Variants in SFMBT2 observed in about 807,000 individuals in gnomAD.
The protein encoded by SFMBT2 is Scm like with four mbt domains 2, also known as scm-like with four MBT domains protein 2.
Under a neutral mutation model 110.1 loss-of-function variants are expected in SFMBT2, and 38 were observed. The ratio of observed to expected loss-of-function variants is 0.35; its 90% confidence interval spans 0.27 to 0.45. The LOEUF (loss-of-function observed/expected upper bound fraction) is 0.45, where lower values mean the gene tolerates loss of function less well. Ranked by LOEUF, SFMBT2 falls within the 20% of genes least tolerant of loss-of-function variation. The pLI, the probability that SFMBT2 is intolerant of heterozygous loss-of-function variation, is 1.00. For synonymous variants in SFMBT2, 425 were observed against 425.4 expected (o/e 1.00, Z 0.01); for missense variants, 1,011 against 1,094.9 (o/e 0.92, Z 1.08).
At chr10:7,179,056 A>T (rs966427025) in intron 16 of SFMBT2, among the ~76,000 whole-genome samples, 3 of 152,202 alleles carry the variant, frequency 2.0e-5, no homozygotes, top group Admixed American at 6.5e-5. Flanking sequence ...ACGGCAAAAA[A>T]AATTAAGGAT....
intron 1 of SFMBT2, among the ~76,000 whole-genome samples, chr10:7,396,451 T>G (rs1240645015): frequency 6.6e-6 from 1 of 152,188 alleles, no homozygotes; most frequent in African/African-American, 2.4e-5. Flanking sequence ...TGTCACTGAT[T>G]TAGAATCCGG....
In SFMBT2 at chr10:7,202,507, T is replaced by C; in HGVS notation, c.1460A>G (p.Lys487Arg). ...TTTCTCTGGTTGCACGACTGCAATC[T>C]TTCTCTTCTTTTGTGCTGTAGAAAA... ...PHKTVSQKKRKIAVVQPEKQL... is the reference protein window; with the variant it reads ...PHKTVSQKKRRIAVVQPEKQL... Residue 487 changes from lysine to arginine, a missense_variant, in exon 13 of 21, where the codon AAG becomes AGG. This residue lies in a region of SFMBT2 where 979 missense variants were observed against 1,016.1 expected (regional missense o/e 0.96). Coordinates refer to ENST00000397167, the MANE Select transcript of SFMBT2 (RefSeq NM_001387889.1). 1 of 1,614,222 alleles carries C rather than the reference T, an allele frequency of 6.2e-7. No homozygotes were observed. Among genetic ancestry groups the C allele is most frequent in the Non-Finnish European group, 8.5e-7 (1 of 1,180,040 alleles).
chr10:7,241,438 G>T (rs184933371), intron 9 of SFMBT2: 1 of 698,024 alleles, frequency 1.4e-6, no homozygotes, highest in African/African-American at 1.9e-5. Flanking sequence ...TATCCATGAA[G>T]AAATATTCTT....
intron 4 of SFMBT2, among the ~76,000 whole-genome samples, chr10:7,313,683 T>G (rs1293710063): frequency 2.0e-5 from 3 of 152,134 alleles, no homozygotes; most frequent in Non-Finnish European, 4.4e-5. Flanking sequence ...GGGGTCTCAC[T>G]TTGTTGCCCG....
Position 7,158,917 on chromosome 10 carries a change from A to G in SFMBT2, c.*4853T>C, listed in dbSNP as rs935937097. 1 of 152,230 alleles carries G rather than the reference A, an allele frequency of 6.6e-6. No homozygotes were observed. The highest frequency in any genetic ancestry group is 2.4e-5 in the African/African-American group (1 of 41,448). 9.4% of individuals were successfully genotyped at this position (152,230 alleles called of 1,614,324 possible). The stretch of plus-strand genomic sequence containing the variant: ...AAACTAGAATGCAAAACAGTGAAAG[A>G]GCTTTCAACAATCACGACGAGGGAT... On this transcript the variant is annotated 3_prime_UTR_variant, in exon 21 of 21. Transcript: ENST00000397167.
At chr10:7,234,594 C>G (rs557815729) in intron 9 of SFMBT2, among the ~76,000 whole-genome samples, 1 of 152,132 alleles carries the variant, frequency 6.6e-6, no homozygotes, top group South Asian at 2.1e-4. Flanking sequence ...TTTACTATAC[C>G]AACTCTTTTC....
At chr10:7,228,008 A>G (rs1176493910) in intron 9 of SFMBT2, 71 bp from the exon 10 acceptor site, 3 of 1,154,442 alleles carry the variant, frequency 2.6e-6, no homozygotes, top group Non-Finnish European at 3.7e-6. Flanking sequence ...CAAAATCAGA[A>G]GGGGTGAAAG....
At chr10:7,225,898 C>A (rs1839885075) in intron 10 of SFMBT2, among the ~76,000 whole-genome samples, 1 of 151,496 alleles carries the variant, frequency 6.6e-6, no homozygotes, top group Middle Eastern at 3.2e-3. Context: ...TCAATGAAAG[C>A]AGACAAGCCA....
Position 7,367,290 on chromosome 10 carries a change from GCC to G in SFMBT2, c.436+357_436+358del, listed in dbSNP as rs1564461034. ...GACCTCAACTCCTGATGTCCTTTCA[GCC>G]TTCCTTTCTTACCCTCCAATTCCTG... is the stretch of plus-strand genomic sequence containing the variant. On this transcript the variant is annotated intron_variant, in intron 4 of 20. Coordinates refer to ENST00000397167, the MANE Select transcript of SFMBT2 (RefSeq NM_001387889.1). This position sits in a 1 kb window ranked among gnomAD's most constrained non-coding sequence, Gnocchi z 6.2. 4.1e-5 allele frequency among the ~76,000 whole-genome samples: 3 copies of G among 72,818 alleles called. No individual in the cohort carries two copies. In the East Asian group the frequency reaches 1.6e-3, roughly 40 times the overall value. The allele number at this position is 72,818 out of a possible 152,430, so 47.8% of individuals were successfully genotyped here.
chr10:7,379,848 T>C (rs1485254251), intron 2 of SFMBT2, among the ~76,000 whole-genome samples: 1 of 152,206 alleles, frequency 6.6e-6, no homozygotes, highest in African/African-American at 2.4e-5. Flanking sequence ...CTCTCACACT[T>C]GCCATCCATA....
At position 7,227,870 on chromosome 10, in the gene SFMBT2, GGGA is replaced by G; in HGVS notation, c.1185_1187del (p.Pro396del). The G allele has an allele frequency of 6.2e-7, 1 of 1,609,502 alleles. No homozygotes were observed. Among genetic ancestry groups the G allele is most frequent in the Non-Finnish European group, 8.5e-7 (1 of 1,178,634 alleles). ...AGCTTCTTACATTTCGGAAGCAGAAGGGAGGGGCTTCCTGCGCCCCATGCTGCT... is the reference window on the plus strand; with the variant it reads ...AGCTTCTTACATTTCGGAAGCAGAAGGGGGCTTCCTGCGCCCCATGCTGCT... On this transcript the variant is annotated inframe_deletion, in exon 10 of 21. Coordinates refer to ENST00000397167, the MANE Select transcript of SFMBT2 (RefSeq NM_001387889.1).
At chr10:7,379,710 C>T (rs1267058856) in intron 2 of SFMBT2, among the ~76,000 whole-genome samples, 2 of 152,160 alleles carry the variant, frequency 1.3e-5, no homozygotes, top group Non-Finnish European at 2.9e-5. Context: ...AATAGTATTT[C>T]CATTAAAGAT....
chr10:7,199,471 T>C (rs781113675), intron 14 of SFMBT2, among the ~76,000 whole-genome samples: 103 of 152,278 alleles, frequency 6.8e-4, no homozygotes, highest in Non-Finnish European at 1.2e-3. Flanking sequence ...AGACTTCAAC[T>C]AGGAACCAGC....
rs989320049 is a variant in SFMBT2, at chr10:7,293,455, A to G, written c.437-7501T>C. ...TAATGGGATTCGCTGATGGGCTACA[A>G]GAGAAGTAGAACACAGAAATGTCCC... On this transcript the variant is annotated intron_variant, in intron 4 of 20. Coordinates refer to ENST00000397167, the MANE Select transcript of SFMBT2 (RefSeq NM_001387889.1). The surrounding 1 kb of genome is among the most constrained non-coding windows in gnomAD (Gnocchi z 4.6). Among the ~76,000 whole-genome samples the G allele has an allele frequency of 1.3e-5, 2 of 152,064 alleles. No homozygotes were observed. The highest frequency in any genetic ancestry group is 2.9e-5 in the Non-Finnish European group (2 of 68,020).
rs542172722 is a variant in SFMBT2, at chr10:7,314,641, C to T, written c.437-28687G>A. ...AACCAGACCCGGCTGGGCACATTGGCTCACACCTATAATCCCAGCACTTTG... is the reference window on the plus strand; with the variant it reads ...AACCAGACCCGGCTGGGCACATTGGTTCACACCTATAATCCCAGCACTTTG... On this transcript the variant is annotated intron_variant, in intron 4 of 20. Coordinates refer to ENST00000397167, the MANE Select transcript of SFMBT2 (RefSeq NM_001387889.1). Among the ~76,000 whole-genome samples, 6 of 152,290 alleles carry T rather than the reference C, an allele frequency of 3.9e-5. No individual in the cohort carries two copies. In the South Asian group the frequency reaches 6.2e-4, roughly 16 times the overall value.
At chr10:7,250,905 AAC>A (rs1002489865) in intron 7 of SFMBT2, among the ~76,000 whole-genome samples, 3 of 152,218 alleles carry the variant, frequency 2.0e-5, no homozygotes, top group African/African-American at 7.2e-5. Flanking sequence ...AATGTGGATT[AAC>A]ACACACCAGC....
At chr10:7,378,220 GA>G (rs1845313045) in intron 2 of SFMBT2, among the ~76,000 whole-genome samples, 8 of 38,670 alleles carry the variant, frequency 2.1e-4, no homozygotes, top group African/African-American at 7.1e-4. Flanking sequence ...ATGTGTGATG[GA>G]TGGGTGTGAG....
chr10:7,337,837 AT>A (rs1843764737), intron 4 of SFMBT2, among the ~76,000 whole-genome samples: 1 of 152,210 alleles, frequency 6.6e-6, no homozygotes, highest in Non-Finnish European at 1.5e-5. Flanking sequence ...GATTCAGTCT[AT>A]AACACTTGGA....
In SFMBT2 at chr10:7,170,785, A is replaced by T; in HGVS notation, c.2544+143T>A. On this transcript the variant is annotated intron_variant, in intron 20 of 20. Coordinates refer to ENST00000397167, the MANE Select transcript of SFMBT2 (RefSeq NM_001387889.1). This position sits in a 1 kb window ranked among gnomAD's most constrained non-coding sequence, Gnocchi z 4.6. ...AGGCAGCTCTCAGCAGGGGCCTTGGAGGGAGAAGGGTCTCGCACACCTGCC... is the reference window on the plus strand; with the variant it reads ...AGGCAGCTCTCAGCAGGGGCCTTGGTGGGAGAAGGGTCTCGCACACCTGCC... 1.1e-6 allele frequency: 1 copy of T among 916,364 alleles called. No individual in the cohort carries two copies. The highest frequency in any genetic ancestry group is 1.7e-6 in the Non-Finnish European group (1 of 601,702). The allele number at this position is 916,364 out of a possible 1,614,324, so 56.8% of individuals were successfully genotyped here.
Sources: gnomAD v4.1 joint callset for allele counts (sites outside exome capture counted in the v4.1 genomes callset) on GRCh38, gnomAD v4.1.1 for gene constraint, gnomAD v4.1.1 regional missense constraint, Gnocchi (gnomAD v3.1) non-coding constraint, MANE v1.5 for transcripts, NCBI Gene and HGNC (gene_info 2026-07-23, HGNC 2026-07-21) for gene names.